Variants in CELA2B observed in about 807,000 individuals in gnomAD.
CELA2B encodes chymotrypsin-like elastase family member 2B.
Under a neutral mutation model 36.5 loss-of-function variants are expected in CELA2B, and 27 were observed. The observed-to-expected ratio is 0.74, with a 90% CI of 0.55 to 1.02. The LOEUF is 1.02. Ranked by LOEUF, CELA2B falls within the 50% of genes least tolerant of loss-of-function variation. CELA2B has a pLI of 0.00. For missense variants in CELA2B, 340 were observed against 347.8 expected (o/e 0.98, Z 0.18); for synonymous variants, 143 against 148.5 (o/e 0.96, Z 0.27).
chr1:15,482,031 C>A (rs1708747516), intron 3 of CELA2B, among the ~76,000 whole-genome samples: 1 of 152,128 alleles, frequency 6.6e-6, no homozygotes, highest in South Asian at 2.1e-4. Context: ...GCTATTACAA[C>A]ATTAATTTTA....
intron 6 of CELA2B, 141 bp from the exon 7 acceptor site, chr1:15,487,144 C>A: frequency 1.4e-6 from 1 of 728,634 alleles, no homozygotes; most frequent in Non-Finnish European, 2.3e-6. Context: ...AATTATGGTA[C>A]CACCTTGAGC....
In CELA2B at chr1:15,476,520, C is replaced by T. The variant is rs150801399; in HGVS notation, c.104C>T (p.Ala35Val). 170 of 1,613,886 alleles carry T rather than the reference C, an allele frequency of 1.1e-4. No individual in the cohort carries two copies. Among genetic ancestry groups the T allele is most frequent in the Admixed American group, 1.5e-4 (9 of 59,982 alleles). ...DMSRMLGGEE[A>V]RPNSWPWQVS... ...TCTAGGATGCTTGGAGGTGAAGAAGCGAGGCCCAACAGCTGGCCCTGGCAG... is the reference window on the plus strand; with the variant it reads ...TCTAGGATGCTTGGAGGTGAAGAAGTGAGGCCCAACAGCTGGCCCTGGCAG... Residue 35 changes from alanine (A) to valine (V), a missense_variant, in exon 2 of 8, where the codon GCG (alanine) becomes GTG (valine). Coordinates refer to ENST00000375910, the MANE Select transcript of CELA2B (RefSeq NM_015849.3).
chr1:15,489,248 C>A (rs1269295739), intron 7 of CELA2B, among the ~76,000 whole-genome samples: 1 of 152,236 alleles, frequency 6.6e-6, no homozygotes, highest in Non-Finnish European at 1.5e-5. Flanking sequence ...CTGTTCCCAG[C>A]ATCAGCTGTT....
chr1:15,483,432 G>A (rs533837250), intron 5 of CELA2B, 32 bp downstream of exon 5: 2 of 1,613,248 alleles, frequency 1.2e-6, no homozygotes, highest in Non-Finnish European at 1.7e-6. Context: ...CCAGGCCTGG[G>A]AGGGAAGGGA....
At chr1:15,484,189 A>G (rs1278731834) in intron 5 of CELA2B, among the ~76,000 whole-genome samples, 1 of 152,146 alleles carries the variant, frequency 6.6e-6, no homozygotes, top group Non-Finnish European at 1.5e-5. Context: ...CAGACCCTCC[A>G]TGCCCCATAG....
At position 15,487,261 on chromosome 1, in the gene CELA2B, C is replaced by G. The variant is rs3737702; in HGVS notation, c.640-24C>G. On this transcript the variant is annotated intron_variant, in intron 6 of 7. Coordinates refer to ENST00000375910, the MANE Select transcript of CELA2B (RefSeq NM_015849.3). ...GCAGCCCCTTCCTCCCACTTCAACT[C>G]CCTATAACTCTGGCCTTCCTCAGGG... is the stretch of plus-strand genomic sequence containing the variant. The G allele has an allele frequency of 2.5e-3, 4,014 of 1,611,576 alleles. 81 individuals are homozygous for G. In the Admixed American group the frequency reaches 0.039, roughly 16 times the overall value.
chr1:15,476,687 C>T (rs1370744201), intron 2 of CELA2B, 142 bp downstream of exon 2: 2 of 799,686 alleles, frequency 2.5e-6, no homozygotes, highest in East Asian at 2.6e-5. Context: ...ACTTCACCAA[C>T]AAGATACATT....
chr1:15,480,462 A>C (rs1313469173), intron 2 of CELA2B, among the ~76,000 whole-genome samples: 1 of 152,140 alleles, frequency 6.6e-6, no homozygotes, highest in African/African-American at 2.4e-5. Context: ...TGGGTAATTT[A>C]TAAAGGAAAG....
chr1:15,480,652 C>T (rs1386830362), intron 2 of CELA2B, among the ~76,000 whole-genome samples: 1 of 152,090 alleles, frequency 6.6e-6, no homozygotes, highest in Non-Finnish European at 1.5e-5. Flanking sequence ...CTCAGTATCA[C>T]AAAAATAGCA....
In CELA2B at chr1:15,485,992, C is replaced by G. The variant is rs781358035; in HGVS notation, c.585C>G (p.Thr195=). The change falls in exon 6 of 8, where the codon ACC becomes ACG. Residue 195 remains threonine, a synonymous_variant. Coordinates refer to ENST00000375910, the MANE Select transcript of CELA2B (RefSeq NM_015849.3). Reference sequence around the variant, plus strand: ...CCAGCTCTGGCTGGTGGGGCAGCACCGTGAAGACGAATATGATCTGTGCTG... The same window carrying G: ...CCAGCTCTGGCTGGTGGGGCAGCACGGTGAAGACGAATATGATCTGTGCTG... ...TCSSSGWWGS[T]VKTNMICAGG... The G allele has an allele frequency of 6.2e-7, 1 of 1,614,030 alleles. No individual in the cohort carries two copies. The highest frequency in any genetic ancestry group is 1.7e-5 in the Admixed American group (1 of 59,990).
At chr1:15,489,651 G>T (rs1708849712) in intron 7 of CELA2B, among the ~76,000 whole-genome samples, 1 of 152,180 alleles carries the variant, frequency 6.6e-6, no homozygotes, top group African/African-American at 2.4e-5. Context: ...GAGCAGAGAA[G>T]CAGAGGAGAC....
chr1:15,478,851 G>C (rs1239603703), intron 2 of CELA2B, among the ~76,000 whole-genome samples: 1 of 152,144 alleles, frequency 6.6e-6, no homozygotes, highest in African/African-American at 2.4e-5. Context: ...ACAGGTGTGA[G>C]CCATCCTGCC....
intron 3 of CELA2B, among the ~76,000 whole-genome samples, chr1:15,481,946 A>G (rs1429386814): frequency 6.6e-6 from 1 of 152,202 alleles, no homozygotes; most frequent in Non-Finnish European, 1.5e-5. Flanking sequence ...TAAAAGGTTG[A>G]AAATTTCCTT....
chr1:15,476,466 G>T lies in CELA2B; in HGVS notation c.50G>T (p.Cys17Phe). ...CTTTCTCTTTTCACAGCCCTCAGTT[G>T]TGGGGTCTCCACTTACGCGCCTGAT... ...LSTLVAGALS[C>F]GVSTYAPDMS... Residue 17 changes from cysteine (C) to phenylalanine (F), a missense_variant, in exon 2 of 8, where the codon TGT becomes TTT. Coordinates refer to ENST00000375910, the MANE Select transcript of CELA2B (RefSeq NM_015849.3). The T allele has an allele frequency of 6.2e-7, 1 of 1,614,096 alleles. No homozygotes were observed. Among genetic ancestry groups the T allele is most frequent in the South Asian group, 1.1e-5 (1 of 91,078 alleles).
At chr1:15,481,059 C>A (rs750193685) in intron 2 of CELA2B, 39 bp from the exon 3 acceptor site, 13 of 1,610,572 alleles carry the variant, frequency 8.1e-6, no homozygotes, top group Non-Finnish European at 8.5e-6. Flanking sequence ...GGAGGCCCTG[C>A]TTTTTCAGCC....
chr1:15,480,526 A>G (rs1708726258), intron 2 of CELA2B, among the ~76,000 whole-genome samples: 1 of 152,114 alleles, frequency 6.6e-6, no homozygotes, highest in South Asian at 2.1e-4. Context: ...GGAAACTTAC[A>G]ATCATGGCAG....
At chr1:15,480,898 A>AT (rs79727774) in intron 2 of CELA2B, among the ~76,000 whole-genome samples, 200 bp from the exon 3 acceptor site, 29,972 of 145,452 alleles carry the variant, frequency 0.21, 3,066 homozygotes, top group Middle Eastern at 0.24. Context: ...GCCTGGCCTG[A>AT]TTTTTTTTTT....
At position 15,487,450 on chromosome 1, in the gene CELA2B, G is replaced by C. The variant is rs528745351; in HGVS notation, c.792+13G>C. 2.3e-4 allele frequency: 370 copies of C among 1,614,094 alleles called. No homozygotes were observed. Among genetic ancestry groups the C allele is most frequent in the South Asian group, 2.0e-3 (186 of 91,080 alleles). On this transcript the variant is annotated intron_variant, in intron 7 of 7. Coordinates refer to ENST00000375910, the MANE Select transcript of CELA2B (RefSeq NM_015849.3). Reference sequence around the variant, plus strand: ...CTGGATCAATTCGGTAAGAACCGGAGCAGCCCTGAGCCCCAAGGCACTGAC... The same window carrying C: ...CTGGATCAATTCGGTAAGAACCGGACCAGCCCTGAGCCCCAAGGCACTGAC...
chr1:15,486,101 G>A, intron 6 of CELA2B, 55 bp downstream of exon 6: 2 of 1,592,650 alleles, frequency 1.3e-6, no homozygotes, highest in Middle Eastern at 1.7e-4. Flanking sequence ...CTGGGGATGG[G>A]AAGAGGCTAT....
Sources: gnomAD v4.1 joint callset for allele counts (sites outside exome capture counted in the v4.1 genomes callset) on GRCh38, gnomAD v4.1.1 for gene constraint, MANE v1.5 for transcripts, NCBI Gene and HGNC (gene_info 2026-07-23, HGNC 2026-07-21) for gene names.